Variants in ARID1B observed in about 807,000 individuals in gnomAD.
ARID1B encodes AT-rich interaction domain 1B.
ARID1B carries 30 observed loss-of-function variants against 212.3 expected under a neutral mutation model. The ratio of observed to expected loss-of-function variants is 0.14; its 90% confidence interval spans 0.11 to 0.19. The LOEUF (loss-of-function observed/expected upper bound fraction) is 0.19, where lower values mean the gene tolerates loss of function less well. Among genes scored for constraint, ARID1B ranks in the 10% least tolerant of loss-of-function variants. The pLI is 1.00. For missense variants in ARID1B, 2,891 were observed against 3,204.0 expected, an observed-to-expected ratio of 0.90 and a Z score of 2.36; for synonymous variants, 1,402 against 1,301.7, an observed-to-expected ratio of 1.08 and a Z score of -1.66.
In ARID1B at chr6:156,777,677, G is replaced by T; in HGVS notation, c.-4G>T. On this transcript the variant is annotated 5_prime_UTR_variant, in exon 1 of 20. Coordinates refer to ENST00000636930, the MANE Select transcript of ARID1B (RefSeq NM_001374828.1). Reference sequence around the variant, plus strand: ...CCGCCCGGCCTCGCCACGCCGCGGCGATCATGGCCGCGCGGGCAGCAGCGG... The same window carrying T: ...CCGCCCGGCCTCGCCACGCCGCGGCTATCATGGCCGCGCGGGCAGCAGCGG... The T allele has an allele frequency of 6.7e-6, 1 of 148,176 alleles. No homozygotes were observed. Among genetic ancestry groups the T allele is most frequent in the South Asian group, 2.0e-4 (1 of 4,956 alleles). 9.2% of individuals were successfully genotyped at this position (148,176 alleles called of 1,614,324 possible).
At chr6:156,954,869 T>C (rs183303463) in intron 4 of ARID1B, among the ~76,000 whole-genome samples, 4 of 152,342 alleles carry the variant, frequency 2.6e-5, no homozygotes, top group African/African-American at 9.6e-5. Flanking sequence ...CTTAATTCCT[T>C]AATGAGCTTC....
chr6:157,188,548 C>T (rs1793139098), intron 13 of ARID1B, among the ~76,000 whole-genome samples: 1 of 152,172 alleles, frequency 6.6e-6, no homozygotes, highest in African/African-American at 2.4e-5. Flanking sequence ...TTGGGAACGT[C>T]ATAGGAAAGG....
chr6:156,854,277 C>T (rs963276045), intron 2 of ARID1B, among the ~76,000 whole-genome samples: 4 of 152,148 alleles, frequency 2.6e-5, no homozygotes, highest in Non-Finnish European at 1.5e-5. Flanking sequence ...AAGGAACGAA[C>T]GGAATTGCCA....
chr6:156,910,178 T>C (rs1789751699), intron 3 of ARID1B, among the ~76,000 whole-genome samples: 2 of 152,222 alleles, frequency 1.3e-5, no homozygotes, highest in South Asian at 4.1e-4. Context: ...AGGGTTTAGG[T>C]GATGATGGTC....
chr6:157,180,597 T>C (rs1353670554), intron 11 of ARID1B, among the ~76,000 whole-genome samples: 2 of 152,184 alleles, frequency 1.3e-5, no homozygotes, highest in African/African-American at 4.8e-5. Flanking sequence ...TGTAAAAATT[T>C]TAATTCACTA....
At chr6:156,977,084 A>G (rs1399164308) in intron 4 of ARID1B, 1 of 218,618 alleles carries the variant, frequency 4.6e-6, no homozygotes, top group East Asian at 1.4e-4. Flanking sequence ...GATGTAATAC[A>G]TATTTACAAA....
intron 2 of ARID1B, among the ~76,000 whole-genome samples, chr6:156,901,144 A>G (rs865955436): frequency 1.3e-5 from 2 of 152,134 alleles, no homozygotes; most frequent in African/African-American, 4.8e-5. Context: ...AATAGTTTCT[A>G]TCTGATAGAA....
intron 1 of ARID1B, among the ~76,000 whole-genome samples, chr6:156,811,237 A>C (rs1781534542): frequency 6.6e-6 from 1 of 152,186 alleles, no homozygotes; most frequent in South Asian, 2.1e-4. Flanking sequence ...AGGGGCTTTA[A>C]TTATATCGGC....
chr6:156,868,588 G>T (rs1314633730), intron 2 of ARID1B, among the ~76,000 whole-genome samples: 2 of 152,174 alleles, frequency 1.3e-5, no homozygotes, highest in African/African-American at 2.4e-5. Context: ...TGGTGGAAGG[G>T]GGTGGCCAGC....
intron 4 of ARID1B, among the ~76,000 whole-genome samples, chr6:157,010,278 GT>G (rs367851681): frequency 0.033 from 3,291 of 100,750 alleles, 26 homozygotes; most frequent in African/African-American, 0.038. Flanking sequence ...TGCATTGCCT[GT>G]TTTTTTTTTT....
chr6:156,948,100 C>T (rs142113561), intron 4 of ARID1B, among the ~76,000 whole-genome samples: 1 of 152,220 alleles, frequency 6.6e-6, no homozygotes, highest in African/African-American at 2.4e-5. Context: ...AACAGTCTCT[C>T]CTTTTAAATA....
intron 6 of ARID1B, among the ~76,000 whole-genome samples, chr6:157,116,609 C>T (rs1396931315): frequency 2.0e-5 from 3 of 151,392 alleles, no homozygotes; most frequent in Non-Finnish European, 2.9e-5. Flanking sequence ...CCCTTTCGGA[C>T]ACAGATGCAA....
intron 6 of ARID1B, among the ~76,000 whole-genome samples, chr6:157,123,176 A>ATCTGTC (rs1277608363): frequency 6.7e-6 from 1 of 148,996 alleles, no homozygotes; most frequent in Non-Finnish European, 1.5e-5. Flanking sequence ...GGATTTTGAG[A>ATCTGTC]TCTTTCTCTG....
intron 9 of ARID1B, 72 bp from the exon 10 acceptor site, chr6:157,173,936 C>A: frequency 7.4e-7 from 1 of 1,346,000 alleles, no homozygotes; most frequent in South Asian, 1.2e-5. Context: ...CACTCTGTAA[C>A]TTGTGTTGGC....
intron 4 of ARID1B, among the ~76,000 whole-genome samples, chr6:156,995,759 T>C (rs1778549610): frequency 6.6e-6 from 1 of 152,194 alleles, no homozygotes; most frequent in Non-Finnish European, 1.5e-5. Context: ...TAGTAACGTG[T>C]TTCATGTCAT....
rs1793895619 is a variant in ARID1B, at chr6:157,198,576, T to C, written c.4383-235T>C. 4 of 524,824 alleles carry C rather than the reference T, an allele frequency of 7.6e-6. No homozygotes were observed. In the Admixed American group the frequency reaches 1.3e-4, roughly 17 times the overall value. 32.5% of individuals were successfully genotyped at this position (524,824 alleles called of 1,614,324 possible). A position where few individuals can be genotyped will look rare whatever the true frequency, so the allele number is the denominator to read the frequency against. ...GCTCAACCGGTATTCCTCTGACACC[T>C]ATTAGCCAACAGCCCAAACTAGGAG... On this transcript the variant is annotated intron_variant, in intron 16 of 19. Transcript: ENST00000636930.
intron 1 of ARID1B, among the ~76,000 whole-genome samples, chr6:156,806,580 T>A (rs1781173301): frequency 6.6e-6 from 1 of 152,228 alleles, no homozygotes; most frequent in South Asian, 2.1e-4. Context: ...CTCACAGTAA[T>A]CTTGCGAGGT....
intron 8 of ARID1B, among the ~76,000 whole-genome samples, chr6:157,160,847 T>A (rs1454892393): frequency 6.6e-6 from 1 of 152,208 alleles, no homozygotes; most frequent in African/African-American, 2.4e-5. Flanking sequence ...ATCCCTCAGA[T>A]CTGAGAGATG....
In ARID1B at chr6:157,201,860, T is replaced by TC. The variant is rs1794139007; in HGVS notation, c.5263+374dup. On this transcript the variant is annotated intron_variant, in intron 18 of 19. Transcript: ENST00000636930. The surrounding 1 kb of genome is among the most constrained non-coding windows in gnomAD (Gnocchi z 5.2). Reference sequence around the variant, plus strand: ...GAGCTTCAAGTAAGAGATCAGGGAATCCTGAGTGGTTATATGCTGTATTTT... The same window carrying TC: ...GAGCTTCAAGTAAGAGATCAGGGAATCCCTGAGTGGTTATATGCTGTATTTT... Among the ~76,000 whole-genome samples, 1 of 151,906 alleles carries TC rather than the reference T, an allele frequency of 6.6e-6. No individual in the cohort carries two copies. Among genetic ancestry groups the TC allele is most frequent in the African/African-American group, 2.4e-5 (1 of 41,180 alleles).
Sources: gnomAD v4.1 joint callset for allele counts (sites outside exome capture counted in the v4.1 genomes callset) on GRCh38, gnomAD v4.1.1 for gene constraint, Gnocchi (gnomAD v3.1) non-coding constraint, MANE v1.5 for transcripts, NCBI Gene and HGNC (gene_info 2026-07-23, HGNC 2026-07-21) for gene names.